Variants in LRFN5 observed in about 807,000 individuals in gnomAD.
LRFN5 encodes the protein leucine rich repeat and fibronectin type III domain containing 5.
A neutral mutation model predicts 45.6 loss-of-function variants in LRFN5; 24 were observed. The ratio of observed to expected loss-of-function variants is 0.53; its 90% confidence interval spans 0.38 to 0.74. LRFN5 has a LOEUF of 0.74. Ranked by LOEUF, LRFN5 falls within the 30% of genes least tolerant of loss-of-function variation. LRFN5 has a pLI of 0.00. For synonymous variants in LRFN5, 340 were observed against 313.8 expected (o/e 1.08, Z -0.88); for missense variants, 776 against 861.5 (o/e 0.90, Z 1.24).
chr14:41,642,017 A>C (rs1204416032), intron 1 of LRFN5, among the ~76,000 whole-genome samples: 6 of 152,114 alleles, frequency 3.9e-5, no homozygotes, highest in Non-Finnish European at 8.8e-5. Flanking sequence ...GATTCTTTTC[A>C]TGTGTTATTT....
intron 1 of LRFN5, among the ~76,000 whole-genome samples, chr14:41,675,983 C>T (rs1044313660): frequency 7.9e-5 from 12 of 152,178 alleles, no homozygotes; most frequent in African/African-American, 2.9e-4. Context: ...TACCACCCCA[C>T]CACCAGCAGC....
chr14:41,780,341 C>T (rs1886437684), intron 2 of LRFN5, among the ~76,000 whole-genome samples: 1 of 151,682 alleles, frequency 6.6e-6, no homozygotes, highest in Non-Finnish European at 1.5e-5. Context: ...TGAGTTTTTG[C>T]CTCACATCTT....
chr14:41,775,130 T>A (rs1462800944), intron 2 of LRFN5, among the ~76,000 whole-genome samples: 1 of 129,438 alleles, frequency 7.7e-6, no homozygotes, highest in Non-Finnish European at 1.6e-5. Context: ...TCGCTCTGTC[T>A]CCCAGGCTGG....
chr14:41,903,739 C>A (rs1213579933), intron 5 of LRFN5, among the ~76,000 whole-genome samples: 3 of 151,750 alleles, frequency 2.0e-5, no homozygotes, highest in Non-Finnish European at 4.4e-5. Flanking sequence ...ATTTTAATAT[C>A]ATACACATTT....
chr14:41,670,100 C>T lies in LRFN5; in HGVS notation c.-197+61538C>T, dbSNP rs527734612. On this transcript the variant is annotated intron_variant, in intron 1 of 5. Coordinates refer to ENST00000298119, the MANE Select transcript of LRFN5 (RefSeq NM_152447.5). Reference sequence around the variant, plus strand: ...ATATATACACATATATACACACATACATATCTATACATTCATATATATACA... The same window carrying T: ...ATATATACACATATATACACACATATATATCTATACATTCATATATATACA... Among the ~76,000 whole-genome samples, 3 of 147,144 alleles carry T rather than the reference C, an allele frequency of 2.0e-5. No individual in the cohort carries two copies. The South Asian group carries it at 6.4e-4, about 31-fold the overall frequency.
At chr14:41,853,819 T>C (rs748598424) in intron 2 of LRFN5, among the ~76,000 whole-genome samples, 3 of 152,106 alleles carry the variant, frequency 2.0e-5, no homozygotes, top group Non-Finnish European at 2.9e-5. Context: ...TATAGCAATG[T>C]TTAGATACCA....
intron 2 of LRFN5, among the ~76,000 whole-genome samples, chr14:41,865,482 T>C (rs1308009523): frequency 6.6e-6 from 1 of 152,194 alleles, no homozygotes; most frequent in Non-Finnish European, 1.5e-5. Flanking sequence ...CGATAGACAT[T>C]TGAATTGTTT....
intron 2 of LRFN5, among the ~76,000 whole-genome samples, chr14:41,811,641 A>G (rs1056885388): frequency 6.6e-6 from 1 of 152,142 alleles, no homozygotes; most frequent in African/African-American, 2.4e-5. Context: ...TCTTCATCAC[A>G]CTAATGAAAG....
intron 1 of LRFN5, among the ~76,000 whole-genome samples, chr14:41,654,203 TA>T (rs954806150): frequency 6.0e-5 from 9 of 150,436 alleles, no homozygotes; most frequent in Non-Finnish European, 1.0e-4. Flanking sequence ...ATAATAATAA[TA>T]AAAAAAAAGA....
intron 2 of LRFN5, among the ~76,000 whole-genome samples, chr14:41,855,043 C>T (rs540442795): frequency 6.6e-6 from 1 of 152,086 alleles, no homozygotes; most frequent in African/African-American, 2.4e-5. Context: ...CATTTAAACC[C>T]AGTGATCTTA....
intron 1 of LRFN5, among the ~76,000 whole-genome samples, chr14:41,663,946 TTA>T (rs1207440819): frequency 1.1e-4 from 16 of 152,014 alleles, no homozygotes; most frequent in African/African-American, 3.9e-4. Flanking sequence ...AGAAATAGAC[TTA>T]TATTGGATTA....
chr14:41,830,201 A>T (rs34958394), intron 2 of LRFN5, among the ~76,000 whole-genome samples: 23,291 of 151,486 alleles, frequency 0.15, 1,977 homozygotes, highest in Non-Finnish European at 0.19. Flanking sequence ...TCTTTTTTCA[A>T]TTGTAGTAGT....
intron 2 of LRFN5, among the ~76,000 whole-genome samples, chr14:41,820,123 A>G (rs1220505676): frequency 6.6e-6 from 1 of 151,966 alleles, no homozygotes; most frequent in African/African-American, 2.4e-5. Context: ...AGTTTAACTA[A>G]GACCCATTTG....
intron 1 of LRFN5, among the ~76,000 whole-genome samples, chr14:41,666,571 CACATTTATGTGGAAA>C (rs1260644886): frequency 6.6e-6 from 1 of 152,012 alleles, no homozygotes; most frequent in African/African-American, 2.4e-5. Flanking sequence ...AGGAAGCATG[CACATTTATGTGGAAA>C]AATGCAAGAT....
At chr14:41,746,582 C>T (rs555228907) in intron 1 of LRFN5, among the ~76,000 whole-genome samples, 1 of 151,924 alleles carries the variant, frequency 6.6e-6, no homozygotes, top group Non-Finnish European at 1.5e-5. Flanking sequence ...ATGTTGAACA[C>T]CTTTTCCTAT....
chr14:41,851,501 A>C (rs1889265997), intron 2 of LRFN5, among the ~76,000 whole-genome samples: 1 of 151,806 alleles, frequency 6.6e-6, no homozygotes. Context: ...GTTCCCCAAT[A>C]TGGAACCACA....
At chr14:41,780,369 G>A (rs1268467750) in intron 2 of LRFN5, among the ~76,000 whole-genome samples, 1 of 146,030 alleles carries the variant, frequency 6.8e-6, no homozygotes, top group African/African-American at 2.6e-5. Flanking sequence ...ACTGTTAGGT[G>A]AATTCATGTT....
chr14:41,847,211 G>C (rs1889099523), intron 2 of LRFN5, among the ~76,000 whole-genome samples: 1 of 152,012 alleles, frequency 6.6e-6, no homozygotes, highest in Non-Finnish European at 1.5e-5. Context: ...AACTACCTGA[G>C]ATCATTCAAG....
intron 1 of LRFN5, among the ~76,000 whole-genome samples, chr14:41,629,545 T>A (rs1208053795): frequency 6.6e-6 from 1 of 152,248 alleles, no homozygotes; most frequent in African/African-American, 2.4e-5. Context: ...GTGTAGCCGA[T>A]ACAAATATTG....
Sources: allele counts gnomAD v4.1 joint callset (sites outside exome capture counted in the v4.1 genomes callset), GRCh38; gene constraint gnomAD v4.1.1; transcripts MANE v1.5; gene names NCBI Gene and HGNC (gene_info 2026-07-23, HGNC 2026-07-21).